The following PDE10A variants were observed in gnomAD, a reference collection of about 807,000 sequenced individuals.
PDE10A encodes the protein phosphodiesterase 10A.
PDE10A carries 39 observed loss-of-function variants against 97.7 expected under a neutral mutation model. The observed-to-expected ratio is 0.40, with a 90% confidence interval of 0.31 to 0.52. PDE10A has a LOEUF of 0.52. Ranked by LOEUF, PDE10A falls within the 20% of genes least tolerant of loss-of-function variation. The probability of loss-of-function intolerance (pLI) is 0.56; values close to 1 mark genes in which losing one functional copy is unlikely to be tolerated. For missense variants in PDE10A, 731 were observed against 1,047.8 expected (o/e 0.70, Z 4.17); for synonymous variants, 371 against 376.8 (o/e 0.98, Z 0.18).
chr6:165,906,932 C>T (rs2128485563), intron 1 of PDE10A, among the ~76,000 whole-genome samples: 1 of 152,314 alleles, frequency 6.6e-6, no homozygotes, highest in East Asian at 1.9e-4. Flanking sequence ...GGCCTTCGCT[C>T]CTGGGTTGCA....
At chr6:165,839,794 C>T (rs112393479) in intron 1 of PDE10A, among the ~76,000 whole-genome samples, 19 of 21,568 alleles carry the variant, frequency 8.8e-4, no homozygotes, top group East Asian at 2.2e-3. Context: ...GTCTCCATCC[C>T]CATCCCCTTC....
intron 1 of PDE10A, among the ~76,000 whole-genome samples, chr6:165,971,646 G>A (rs1449007106): frequency 6.6e-6 from 1 of 152,148 alleles, no homozygotes; most frequent in Non-Finnish European, 1.5e-5. Flanking sequence ...GAAGATGGGA[G>A]AAAAAGAAGA....
chr6:165,495,763 AAT>A (rs1391616795), intron 2 of PDE10A, among the ~76,000 whole-genome samples: 6 of 152,134 alleles, frequency 3.9e-5, no homozygotes, highest in Non-Finnish European at 7.4e-5. Context: ...TAGACTCTCA[AAT>A]ATGTTTTGCT....
chr6:165,720,546 A>G (rs1048141292), intron 1 of PDE10A, among the ~76,000 whole-genome samples: 4 of 152,204 alleles, frequency 2.6e-5, no homozygotes, highest in African/African-American at 7.2e-5. Context: ...AAATTCTCCT[A>G]AGATCAAGTC....
chr6:165,341,741 GTAAC>G (rs760380358), intron 19 of PDE10A, among the ~76,000 whole-genome samples: 7 of 152,160 alleles, frequency 4.6e-5, no homozygotes, highest in Non-Finnish European at 1.0e-4. Flanking sequence ...GCATCCTAGT[GTAAC>G]TCTGTATAGG....
At chr6:165,476,386 G>C (rs1195395224) in intron 3 of PDE10A, among the ~76,000 whole-genome samples, 1 of 152,066 alleles carries the variant, frequency 6.6e-6, no homozygotes, top group Non-Finnish European at 1.5e-5. Context: ...AAATACAGAA[G>C]TAACCTTTAA....
At chr6:165,988,039 C>T, upstream of PDE10A, 1 of 442,862 alleles carries the variant, frequency 2.3e-6, no homozygotes, top group South Asian at 1.6e-5. Flanking sequence ...CTCTCAGGAA[C>T]GACTCTCCCG....
chr6:165,544,811 G>T (rs146605316), intron 1 of PDE10A, among the ~76,000 whole-genome samples: 3 of 150,158 alleles, frequency 2.0e-5, no homozygotes, highest in African/African-American at 7.4e-5. Context: ...TAGTTAAATA[G>T]TCAATTTAAA....
chr6:165,654,293 T>C (rs1789828357), intron 1 of PDE10A, among the ~76,000 whole-genome samples: 1 of 152,104 alleles, frequency 6.6e-6, no homozygotes, highest in Admixed American at 6.6e-5. Context: ...GCCTCCCAGT[T>C]CCAGTCTCAG....
intron 1 of PDE10A, among the ~76,000 whole-genome samples, chr6:165,549,001 C>T (rs535744510): frequency 4.7e-5 from 5 of 105,816 alleles, no homozygotes; most frequent in African/African-American, 2.2e-4. Context: ...CAAATTGTCC[C>T]ATCTTGCAGC....
intron 19 of PDE10A, among the ~76,000 whole-genome samples, chr6:165,342,077 G>A (rs929838743): frequency 2.0e-5 from 3 of 152,030 alleles, no homozygotes; most frequent in African/African-American, 7.3e-5. Flanking sequence ...GTGTATATAA[G>A]TTTTGATAAA....
chr6:165,869,185 T>C (rs1443369336), intron 1 of PDE10A, among the ~76,000 whole-genome samples: 1 of 152,052 alleles, frequency 6.6e-6, no homozygotes, highest in Non-Finnish European at 1.5e-5. Context: ...TACATGATCT[T>C]ATATAGAGAA....
intron 1 of PDE10A, among the ~76,000 whole-genome samples, chr6:165,923,730 T>G (rs1782827775): frequency 6.6e-6 from 1 of 152,218 alleles, no homozygotes; most frequent in African/African-American, 2.4e-5. Flanking sequence ...AATTTGGGAT[T>G]ATACTCCGAG....
intron 1 of PDE10A, among the ~76,000 whole-genome samples, chr6:165,643,976 T>A (rs1424204220): frequency 1.3e-5 from 2 of 152,216 alleles, no homozygotes; most frequent in African/African-American, 4.8e-5. Flanking sequence ...TACTAGTCAA[T>A]TAAAAAATAT....
intron 1 of PDE10A, among the ~76,000 whole-genome samples, chr6:165,588,820 C>G (rs907848486): frequency 6.6e-6 from 1 of 152,120 alleles, no homozygotes; most frequent in Non-Finnish European, 1.5e-5. Context: ...TAACCTCTCT[C>G]TGGACAATTT....
In PDE10A at chr6:165,901,125, G is replaced by A. The variant is rs74977562; in HGVS notation, c.-615+86404C>T. Among the ~76,000 whole-genome samples, 273 of 152,266 alleles carry A rather than the reference G, an allele frequency of 1.8e-3. 2 individuals are homozygous for A. The highest frequency in any genetic ancestry group is 6.2e-3 in the African/African-American group (257 of 41,548). On this transcript the variant is annotated intron_variant, in intron 1 of 19. Coordinates refer to the PDE10A transcript ENST00000366882. ...TCCACCAACAGGCTTTGATGATTCC[G>A]CAGCGAAACATTCACCCACTTGGAA...
intron 1 of PDE10A, among the ~76,000 whole-genome samples, chr6:165,815,844 C>T (rs909538904): frequency 1.3e-5 from 2 of 152,132 alleles, no homozygotes; most frequent in African/African-American, 4.8e-5. Context: ...CAGCTGTGGT[C>T]CAGGGTGTGG....
At chr6:165,767,652 T>C (rs948913055) in intron 1 of PDE10A, among the ~76,000 whole-genome samples, 8 of 152,238 alleles carry the variant, frequency 5.3e-5, no homozygotes, top group Admixed American at 5.2e-4. Flanking sequence ...TAGTATTCCA[T>C]TCTATGGATA....
Position 165,343,419 on chromosome 6 carries a change from T to C in PDE10A, c.2867A>G (p.Asn956Ser). The C allele has an allele frequency of 2.5e-6, 4 of 1,613,826 alleles. No individual in the cohort carries two copies. Among genetic ancestry groups the C allele is most frequent in the Non-Finnish European group, 3.4e-6 (4 of 1,179,746 alleles). Reference sequence around the variant, plus strand: ...AGCCCAGAATTCTGCATATATATCATTTGCCGTCAATTTTGTAACGGGCCA... The same window carrying C: ...AGCCCAGAATTCTGCATATATATCACTTGCCGTCAATTTTGTAACGGGCCA... ...KLWPVTKLTA[N>S]DIYAEFWAEG... Residue 956 changes from asparagine to serine, a missense_variant, in exon 19 of 22, where the codon AAT becomes AGT. Coordinates refer to ENST00000539869, the MANE Select transcript of PDE10A (RefSeq NM_001385079.1).
Sources: gnomAD v4.1 joint callset for allele counts (sites outside exome capture counted in the v4.1 genomes callset) on GRCh38, gnomAD v4.1.1 for gene constraint, MANE v1.5 for transcripts, NCBI Gene and HGNC (gene_info 2026-07-23, HGNC 2026-07-21) for gene names.